TRPM3: variants seen among roughly 807,000 people sequenced by gnomAD.
The protein encoded by TRPM3 is long transient receptor potential channel 3.
TRPM3 carries 77 observed loss-of-function variants against 181.2 expected under a neutral mutation model. That is an observed-to-expected ratio of 0.42 (90% CI 0.35 to 0.51). TRPM3 has a LOEUF of 0.51. Ranked by LOEUF, TRPM3 falls within the 20% of genes least tolerant of loss-of-function variation. The pLI, the probability that TRPM3 is intolerant of heterozygous loss-of-function variation, is 0.01. For synonymous variants in TRPM3, 745 were observed against 796.4 expected (o/e 0.94, Z 1.09); for missense variants, 1,759 against 2,196.7 (o/e 0.80, Z 3.98).
intron 1 of TRPM3, among the ~76,000 whole-genome samples, chr9:71,445,138 T>C (rs1404235800): frequency 3.3e-5 from 5 of 152,224 alleles, no homozygotes; most frequent in African/African-American, 1.2e-4. Context: ...CTCTAACTTA[T>C]AACATAGTTA....
chr9:70,891,345 TA>T (rs1052091917), intron 1 of TRPM3, among the ~76,000 whole-genome samples: 1 of 152,038 alleles, frequency 6.6e-6, no homozygotes, highest in African/African-American at 2.4e-5. Flanking sequence ...GGGAATAAAA[TA>T]GCTAAATCCC....
intron 1 of TRPM3, among the ~76,000 whole-genome samples, chr9:71,342,393 A>G (rs1191645936): frequency 6.6e-6 from 1 of 151,234 alleles, no homozygotes; most frequent in East Asian, 1.9e-4. Flanking sequence ...CAAATAGAAA[A>G]GACTGGTAGA....
intron 1 of TRPM3, among the ~76,000 whole-genome samples, chr9:71,341,750 A>T (rs1479096584): frequency 6.6e-6 from 1 of 152,006 alleles, no homozygotes; most frequent in Non-Finnish European, 1.5e-5. Context: ...ACCAATGTTA[A>T]TTTCTTAGTT....
At chr9:70,753,200 G>A (rs74948063) in intron 8 of TRPM3, among the ~76,000 whole-genome samples, 4,992 of 152,152 alleles carry the variant, frequency 0.033, 83 homozygotes, top group Middle Eastern at 0.055. Flanking sequence ...GTTAAGTAAT[G>A]CCTGACTGTA....
In TRPM3 at chr9:70,914,614, C is replaced by T. The variant is rs186781759; in HGVS notation, c.178-50103G>A. Among the ~76,000 whole-genome samples the T allele has an allele frequency of 2.5e-3, 388 of 152,246 alleles. 3 individuals carry two copies. Among genetic ancestry groups the T allele is most frequent in the African/African-American group, 9.0e-3 (372 of 41,538 alleles). ...GTCCTTGAGCAAACATAGGAGACAGCTAGGGAGTGGTTACAGCAGGCCTTG... is the reference window on the plus strand; with the variant it reads ...GTCCTTGAGCAAACATAGGAGACAGTTAGGGAGTGGTTACAGCAGGCCTTG... On this transcript the variant is annotated intron_variant, in intron 1 of 25. Coordinates refer to ENST00000677713, the MANE Select transcript of TRPM3 (RefSeq NM_001366145.2).
chr9:71,409,841 T>A (rs747666023), intron 1 of TRPM3, among the ~76,000 whole-genome samples: 1 of 152,138 alleles, frequency 6.6e-6, no homozygotes, highest in Non-Finnish European at 1.5e-5. Flanking sequence ...ATTCTAAAAT[T>A]GATCACACAG....
At chr9:70,971,659 A>T (rs928847463) in intron 1 of TRPM3, among the ~76,000 whole-genome samples, 37 of 152,170 alleles carry the variant, frequency 2.4e-4, no homozygotes, top group African/African-American at 4.8e-5. Flanking sequence ...AATGAGATAA[A>T]TTTGTATTTT....
intron 1 of TRPM3, among the ~76,000 whole-genome samples, chr9:71,397,270 A>G (rs919726595): frequency 1.3e-5 from 2 of 152,218 alleles, no homozygotes; most frequent in African/African-American, 4.8e-5. Context: ...GGTCAGGGAA[A>G]ATACATTTTG....
At chr9:71,062,884 T>C (rs1158682345) in intron 1 of TRPM3, among the ~76,000 whole-genome samples, 2 of 152,078 alleles carry the variant, frequency 1.3e-5, no homozygotes, top group African/African-American at 2.4e-5. Context: ...TGTGGGCCCC[T>C]CCACCTTTGA....
At position 70,529,309 on chromosome 9, in the gene TRPM3, G is replaced by GTA. The variant is rs1375506874; in HGVS notation, c.*6642_*6643dup. The GTA allele has an allele frequency of 6.6e-6, 1 of 152,164 alleles. No homozygotes were observed. Among genetic ancestry groups the GTA allele is most frequent in the African/African-American group, 2.4e-5 (1 of 41,422 alleles). The allele number at this position is 152,164 out of a possible 1,614,324, so 9.4% of individuals were successfully genotyped here. On this transcript the variant is annotated 3_prime_UTR_variant, in exon 26 of 26. Coordinates refer to ENST00000677713, the MANE Select transcript of TRPM3 (RefSeq NM_001366145.2). The stretch of plus-strand genomic sequence containing the variant: ...ATCCATACACAAAGAAGGAAAAGAT[G>GTA]TATATATATTCAGCAAACCCAATTT...
rs754945906 is a variant in TRPM3 at position 70,810,975 on chromosome 9, C to A, written c.973+16872G>T. On this transcript the variant is annotated intron_variant, in intron 6 of 25. Transcript: ENST00000677713. ...ATCCCAATAGTGCCGTCAAGCTGTC[C>A]TATATGGTATCTTTAGGATGATAAA... 2.3e-4 allele frequency among the ~76,000 whole-genome samples: 35 copies of A among 152,208 alleles called. No individual in the cohort carries two copies. In the Middle Eastern group the frequency reaches 0.024, roughly 104 times the overall value.
At chr9:70,667,412 G>C (rs924909647) in intron 9 of TRPM3, among the ~76,000 whole-genome samples, 2 of 152,108 alleles carry the variant, frequency 1.3e-5, no homozygotes, top group Non-Finnish European at 2.9e-5. Flanking sequence ...AACCAAGTTG[G>C]GGAAGAGGGC....
At position 71,286,062 on chromosome 9, in the gene TRPM3, A is replaced by G. The variant is rs779776367; in HGVS notation, c.183+160591T>C. 1.1e-3 allele frequency among the ~76,000 whole-genome samples: 163 copies of G among 152,298 alleles called. 1 individual carries two copies. Among genetic ancestry groups the G allele is most frequent in the Non-Finnish European group, 1.3e-3 (89 of 68,026 alleles). ...AAAAGTGATTCATTTCTGAAAACCT[A>G]TAAGCCATAAAATCAAGGGCTCCAC... On this transcript the variant is annotated intron_variant, in intron 1 of 24. Transcript: ENST00000357533.
At chr9:71,385,278 C>A (rs1444694653) in intron 1 of TRPM3, among the ~76,000 whole-genome samples, 2 of 152,118 alleles carry the variant, frequency 1.3e-5, no homozygotes, top group Non-Finnish European at 2.9e-5. Context: ...AAAAATATTT[C>A]TTTCTTTAAT....
chr9:70,930,297 C>A (rs1224462687), intron 1 of TRPM3, among the ~76,000 whole-genome samples: 1 of 152,104 alleles, frequency 6.6e-6, no homozygotes, highest in Non-Finnish European at 1.5e-5. Flanking sequence ...ATCTTTTTCA[C>A]AATAGTAATT....
At chr9:71,341,734 G>A (rs1380578316) in intron 1 of TRPM3, among the ~76,000 whole-genome samples, 2 of 151,556 alleles carry the variant, frequency 1.3e-5, no homozygotes, top group Admixed American at 1.3e-4. Context: ...TCAGTTAATA[G>A]TACATACCAA....
chr9:70,606,292 C>T (rs1002151302), intron 19 of TRPM3, among the ~76,000 whole-genome samples: 1 of 152,184 alleles, frequency 6.6e-6, no homozygotes, highest in African/African-American at 2.4e-5. Context: ...CTCCTCTTCC[C>T]TTAGTCCTTA....
intron 1 of TRPM3, among the ~76,000 whole-genome samples, chr9:70,968,240 A>G (rs540818155): frequency 1.3e-5 from 2 of 152,300 alleles, no homozygotes; most frequent in Admixed American, 6.5e-5. Context: ...GCTTCTTTAC[A>G]GAAAGCAAAA....
chr9:71,313,585 T>G (rs570179994), intron 1 of TRPM3, among the ~76,000 whole-genome samples: 2 of 152,278 alleles, frequency 1.3e-5, no homozygotes, highest in South Asian at 4.1e-4. Context: ...CCTATCACAG[T>G]TAAGACATTT....
Sources: allele counts gnomAD v4.1 joint callset (sites outside exome capture counted in the v4.1 genomes callset), GRCh38; gene constraint gnomAD v4.1.1; transcripts MANE v1.5; gene names NCBI Gene and HGNC (gene_info 2026-07-23, HGNC 2026-07-21).